Variants in PXDNL observed in about 807,000 individuals in gnomAD.
PXDNL encodes peroxidasin like.
In PXDNL, 145 loss-of-function variants were observed where a neutral mutation model predicts 150.8. The observed-to-expected ratio is 0.96, with a 90% CI of 0.84 to 1.10. The LOEUF (loss-of-function observed/expected upper bound fraction) is 1.10. Among genes scored for constraint, PXDNL ranks in the 50% least tolerant of loss-of-function variants. PXDNL has a pLI of 0.00. For synonymous variants in PXDNL, 757 were observed against 725.7 expected, an observed-to-expected ratio of 1.04 and a Z score of -0.69; for missense variants, 2,087 against 1,873.9, an observed-to-expected ratio of 1.11 and a Z score of -2.10.
chr8:51,422,046 T>C (rs1030777160), intron 14 of PXDNL, among the ~76,000 whole-genome samples: 6 of 152,052 alleles, frequency 3.9e-5, no homozygotes, highest in African/African-American at 1.2e-4. Context: ...TAGATTCTAA[T>C]AGGAGCACAA....
intron 4 of PXDNL, among the ~76,000 whole-genome samples, chr8:51,534,175 A>C: frequency 1.6e-5 from 2 of 125,694 alleles, no homozygotes; most frequent in African/African-American, 3.7e-5. Context: ...GCTGGGCCAC[A>C]ACCCTGTCTG....
intron 1 of PXDNL, among the ~76,000 whole-genome samples, chr8:51,712,710 CACATTTT>C (rs1362030994): frequency 6.6e-6 from 1 of 152,186 alleles, no homozygotes; most frequent in African/African-American, 2.4e-5. Context: ...CTATCTATGG[CACATTTT>C]ACAGACAAAT....
At chr8:51,558,265 G>T (rs1304113180) in intron 3 of PXDNL, among the ~76,000 whole-genome samples, 1 of 152,008 alleles carries the variant, frequency 6.6e-6, no homozygotes, top group African/African-American at 2.4e-5. Context: ...TTAATGATGG[G>T]TCCAGGGTAC....
At chr8:51,576,190 C>T (rs904013837) in intron 3 of PXDNL, among the ~76,000 whole-genome samples, 2 of 140,418 alleles carry the variant, frequency 1.4e-5, no homozygotes, top group African/African-American at 5.5e-5. Context: ...ATTATTAGAA[C>T]ACTGCTCCAA....
intron 1 of PXDNL, among the ~76,000 whole-genome samples, chr8:51,661,556 G>A (rs1815269737): frequency 6.6e-6 from 1 of 152,232 alleles, no homozygotes; most frequent in Admixed American, 6.5e-5. Flanking sequence ...TCCTCAGACT[G>A]CCTTGGACTT....
intron 3 of PXDNL, among the ~76,000 whole-genome samples, chr8:51,585,596 A>T (rs1291998900): frequency 6.6e-6 from 1 of 152,130 alleles, no homozygotes; most frequent in Non-Finnish European, 1.5e-5. Flanking sequence ...AACCTTTAGT[A>T]GAGTGGTAGG....
chr8:51,541,253 T>TAAAAAAAGAAA (rs1812210854), intron 4 of PXDNL, among the ~76,000 whole-genome samples: 1 of 127,230 alleles, frequency 7.9e-6, no homozygotes, highest in African/African-American at 3.0e-5. Context: ...TGAGACTCCA[T>TAAAAAAAGAAA]AAAAAAAAAA....
chr8:51,707,520 G>A (rs1816406845), intron 1 of PXDNL, among the ~76,000 whole-genome samples: 1 of 151,998 alleles, frequency 6.6e-6, no homozygotes, highest in Non-Finnish European at 1.5e-5. Context: ...TTTTGTTTGT[G>A]GTAAGAGCAC....
Position 51,610,572 on chromosome 8 carries a change from C to T in PXDNL, c.237-17874G>A, listed in dbSNP as rs112413327. 7.1e-3 allele frequency among the ~76,000 whole-genome samples: 1,078 copies of T among 152,066 alleles called. 6 individuals carry two copies. Among genetic ancestry groups the T allele is most frequent in the African/African-American group, 0.025 (1,017 of 41,470 alleles). On this transcript the variant is annotated intron_variant, in intron 2 of 22. Coordinates refer to ENST00000356297, the MANE Select transcript of PXDNL (RefSeq NM_144651.5). ...TTTCTATTGCTATATAACAAATTACCGCCAATTCAATTGCTGTAAACAATA... is the reference window on the plus strand; with the variant it reads ...TTTCTATTGCTATATAACAAATTACTGCCAATTCAATTGCTGTAAACAATA...
chr8:51,375,535 A>C (rs1586047648), intron 17 of PXDNL, among the ~76,000 whole-genome samples: 1 of 152,216 alleles, frequency 6.6e-6, no homozygotes, highest in East Asian at 1.9e-4. Context: ...ACAAATGGAA[A>C]TATAGTATTC....
chr8:51,689,029 A>G (rs16916709), intron 1 of PXDNL, among the ~76,000 whole-genome samples: 4,087 of 152,252 alleles, frequency 0.027, 189 homozygotes, highest in African/African-American at 0.093. Flanking sequence ...GGAATCGGGA[A>G]TCGGCCTTTC....
intron 4 of PXDNL, among the ~76,000 whole-genome samples, chr8:51,549,705 C>T (rs1812440859): frequency 6.6e-6 from 1 of 150,760 alleles, no homozygotes; most frequent in Admixed American, 6.7e-5. Context: ...AAGTTCATAG[C>T]ATTAAATGCA....
chr8:51,686,000 C>A (rs1166578784), intron 1 of PXDNL, among the ~76,000 whole-genome samples: 1 of 152,178 alleles, frequency 6.6e-6, no homozygotes, highest in African/African-American at 2.4e-5. Context: ...TTCAGAAGTT[C>A]TTCCCATTGA....
intron 17 of PXDNL, among the ~76,000 whole-genome samples, chr8:51,389,930 C>CA (rs1807841515): frequency 6.6e-6 from 1 of 151,882 alleles, no homozygotes; most frequent in African/African-American, 2.4e-5. Flanking sequence ...GCAAGAAAAA[C>CA]AAAGAAAAGG....
At chr8:51,739,645 C>T (rs910229874) in intron 1 of PXDNL, among the ~76,000 whole-genome samples, 7 of 151,974 alleles carry the variant, frequency 4.6e-5, no homozygotes, top group Non-Finnish European at 8.8e-5. Flanking sequence ...GAGGCCGAGG[C>T]GGGTGGATCA....
chr8:51,550,663 G>C (rs532629828), intron 4 of PXDNL, among the ~76,000 whole-genome samples: 107 of 152,206 alleles, frequency 7.0e-4, no homozygotes, highest in Admixed American at 1.4e-3. Context: ...AGTGAAATTT[G>C]CATAGAAGGG....
chr8:51,484,231 G>A (rs1361740572), intron 5 of PXDNL, among the ~76,000 whole-genome samples: 1 of 152,100 alleles, frequency 6.6e-6, no homozygotes, highest in Non-Finnish European at 1.5e-5. Context: ...GAGGCCAGGA[G>A]TTCGAGACCA....
intron 4 of PXDNL, among the ~76,000 whole-genome samples, chr8:51,532,876 C>T (rs1258672274): frequency 6.6e-6 from 1 of 151,710 alleles, no homozygotes; most frequent in East Asian, 1.9e-4. Flanking sequence ...CTCCCAAATG[C>T]CTATACCCAA....
intron 19 of PXDNL, among the ~76,000 whole-genome samples, 179 bp from the exon 20 acceptor site, chr8:51,346,126 C>T (rs887917810): frequency 6.6e-6 from 1 of 152,204 alleles, no homozygotes; most frequent in African/African-American, 2.4e-5. Flanking sequence ...GTCTCAGATA[C>T]CTGCTTTTGC....
Sources: allele counts gnomAD v4.1 joint callset (sites outside exome capture counted in the v4.1 genomes callset), GRCh38; gene constraint gnomAD v4.1.1; transcripts MANE v1.5; gene names NCBI Gene and HGNC (gene_info 2026-07-23, HGNC 2026-07-21).